The following MRRF variants were observed in gnomAD, a reference collection of about 807,000 sequenced individuals.
MRRF encodes the protein ribosome-recycling factor, mitochondrial.
A neutral mutation model predicts 25.1 loss-of-function variants in MRRF; 18 were observed. That is an observed-to-expected ratio of 0.72 (90% CI 0.50 to 1.06). The LOEUF is 1.06. Among genes scored for constraint, MRRF ranks in the 50% least tolerant of loss-of-function variants. The pLI is 0.00. For synonymous variants in MRRF, 113 were observed against 112.1 expected (o/e 1.01, Z -0.05); for missense variants, 323 against 319.3 (o/e 1.01, Z -0.09).
rs1836152763 is a variant in MRRF, at chr9:122,326,705, T to G, written c.*4088T>G. ...AAGATTATCTGATAAGGTCTGCTCTTTCTCCTTCAACCTCAGGCTAACATT... is the reference window on the plus strand; with the variant it reads ...AAGATTATCTGATAAGGTCTGCTCTGTCTCCTTCAACCTCAGGCTAACATT... On this transcript the variant is annotated 3_prime_UTR_variant, in exon 7 of 7. Transcript: ENST00000344641. 6.6e-6 allele frequency: 1 copy of G among 152,218 alleles called. No homozygotes were observed. Among genetic ancestry groups the G allele is most frequent in the African/African-American group, 2.4e-5 (1 of 41,444 alleles). The allele number at this position is 152,218 out of a possible 1,614,324, so 9.4% of individuals were successfully genotyped here.
At chr9:122,311,028 T>C (rs932170145) in intron 5 of MRRF, among the ~76,000 whole-genome samples, 1 of 152,228 alleles carries the variant, frequency 6.6e-6, no homozygotes, top group Non-Finnish European at 1.5e-5. Context: ...TGCTGCTCTC[T>C]TTATTGGTAC....
At chr9:122,275,305 A>C (rs2119063205) in intron 2 of MRRF, among the ~76,000 whole-genome samples, 1 of 151,994 alleles carries the variant, frequency 6.6e-6, no homozygotes, top group Non-Finnish European at 1.5e-5. Flanking sequence ...GCTAAGTATT[A>C]TTTTATTCTC....
At chr9:122,268,271 C>T (rs994547630) in intron 1 of MRRF, among the ~76,000 whole-genome samples, 2 of 152,142 alleles carry the variant, frequency 1.3e-5, no homozygotes, top group African/African-American at 2.4e-5. Context: ...TTGGGTGCTG[C>T]GTTTTCTGTC....
chr9:122,287,843 A>G (rs1313440679), intron 4 of MRRF, among the ~76,000 whole-genome samples: 1 of 152,196 alleles, frequency 6.6e-6, no homozygotes. Context: ...GAATTCCTTT[A>G]TCTCGTCTGT....
intron 5 of MRRF, among the ~76,000 whole-genome samples, chr9:122,305,472 T>A (rs959421463): frequency 2.0e-5 from 3 of 151,796 alleles, no homozygotes; most frequent in Non-Finnish European, 2.9e-5. Context: ...GGCTGTCCAC[T>A]TTCTAATCTG....
intron 3 of MRRF, among the ~76,000 whole-genome samples, chr9:122,283,566 C>A (rs1283048772): frequency 6.6e-6 from 1 of 152,200 alleles, no homozygotes; most frequent in Admixed American, 6.5e-5. Flanking sequence ...CGGACTTTTC[C>A]AGGTTGAAGC....
At chr9:122,310,502 A>G (rs1835136588) in intron 5 of MRRF, among the ~76,000 whole-genome samples, 1 of 152,244 alleles carries the variant, frequency 6.6e-6, no homozygotes, top group Non-Finnish European at 1.5e-5. Flanking sequence ...CTAACAAGTT[A>G]CTGTGCATCC....
At chr9:122,293,911 A>G (rs1424972513) in intron 5 of MRRF, among the ~76,000 whole-genome samples, 1 of 152,204 alleles carries the variant, frequency 6.6e-6, no homozygotes. Context: ...AGATCACATG[A>G]CCAGTAAATG....
In MRRF at chr9:122,330,773, TA is replaced by T. The variant is rs1176931269; in HGVS notation, c.*8162del. On this transcript the variant is annotated 3_prime_UTR_variant, in exon 7 of 7. Coordinates refer to ENST00000344641, the MANE Select transcript of MRRF (RefSeq NM_138777.5). This position sits in a 1 kb window ranked among gnomAD's most constrained non-coding sequence, Gnocchi z 4.2. ...GGTGAAACCCCATCTCTACTAAAAA[TA>T]AAAAATTTAGCCAGGTGTGGTGGCG... The T allele has an allele frequency of 6.6e-6, 1 of 152,100 alleles. No homozygotes were observed. Among genetic ancestry groups the T allele is most frequent in the East Asian group, 1.9e-4 (1 of 5,182 alleles). The allele number at this position is 152,100 out of a possible 1,614,324, so 9.4% of individuals were successfully genotyped here. A position where few individuals can be genotyped will look rare whatever the true frequency, so the allele number is the denominator to read the frequency against.
At chr9:122,307,787 G>A (rs186514202) in intron 5 of MRRF, among the ~76,000 whole-genome samples, 3 of 152,268 alleles carry the variant, frequency 2.0e-5, no homozygotes, top group East Asian at 3.9e-4. Flanking sequence ...GCCCTAAACC[G>A]TGTCCTTTCT....
At chr9:122,280,672 T>C in intron 3 of MRRF, 74 bp downstream of exon 3, 1 of 1,484,298 alleles carries the variant, frequency 6.7e-7, no homozygotes, top group Non-Finnish European at 9.4e-7. Flanking sequence ...TGAGTTTTAG[T>C]CCCAGCTTTG....
intron 6 of MRRF, among the ~76,000 whole-genome samples, chr9:122,316,968 G>T (rs1254428034): frequency 6.6e-6 from 1 of 151,376 alleles, no homozygotes; most frequent in Non-Finnish European, 1.5e-5. Context: ...AACTCTTTCT[G>T]ATGGCTGCTA....
At chr9:122,311,336 C>T (rs953430848) in intron 5 of MRRF, among the ~76,000 whole-genome samples, 6 of 152,116 alleles carry the variant, frequency 3.9e-5, no homozygotes, top group Admixed American at 2.0e-4. Flanking sequence ...GGTTTGTCTT[C>T]CTCCCTCCCT....
intron 5 of MRRF, among the ~76,000 whole-genome samples, chr9:122,310,274 C>A (rs1215515145): frequency 6.6e-6 from 1 of 152,188 alleles, no homozygotes; most frequent in South Asian, 2.1e-4. Context: ...GCCCACCGCT[C>A]CTCCTCATCA....
chr9:122,274,642 A>G (rs1278237734), intron 2 of MRRF, among the ~76,000 whole-genome samples: 1 of 150,386 alleles, frequency 6.6e-6, no homozygotes, highest in Non-Finnish European at 1.5e-5. Flanking sequence ...TTTTCTCTTG[A>G]TTTAGTAAGT....
chr9:122,267,089 A>G (rs892739018), intron 1 of MRRF, among the ~76,000 whole-genome samples: 13 of 146,112 alleles, frequency 8.9e-5, no homozygotes, highest in Admixed American at 8.2e-4. Flanking sequence ...AAAAAAGAAA[A>G]AAAATTCAGG....
At chr9:122,321,625 G>A (rs1426601061) in intron 6 of MRRF, among the ~76,000 whole-genome samples, 1 of 151,968 alleles carries the variant, frequency 6.6e-6, no homozygotes, top group Non-Finnish European at 1.5e-5. Flanking sequence ...ATTGAATATT[G>A]TAATTAAAAA....
At chr9:122,270,778 T>C (rs1832397145) in intron 1 of MRRF, 86 bp from the exon 2 acceptor site, 23 of 998,792 alleles carry the variant, frequency 2.3e-5, no homozygotes, top group Non-Finnish European at 3.4e-5. Context: ...TAGGAGTTGC[T>C]TGATAATTGG....
intron 5 of MRRF, among the ~76,000 whole-genome samples, chr9:122,293,066 T>C (rs958961948): frequency 9.9e-5 from 15 of 152,058 alleles, no homozygotes; most frequent in African/African-American, 3.6e-4. Flanking sequence ...AGTAAATAAG[T>C]ACGTAATGGA....
Sources: gnomAD v4.1 joint callset for allele counts (sites outside exome capture counted in the v4.1 genomes callset) on GRCh38, gnomAD v4.1.1 for gene constraint, Gnocchi (gnomAD v3.1) non-coding constraint, MANE v1.5 for transcripts, NCBI Gene and HGNC (gene_info 2026-07-23, HGNC 2026-07-21) for gene names.